RHPN2: variants seen among roughly 807,000 people sequenced by gnomAD.
RHPN2 encodes rhophilin-2.
RHPN2 carries 40 observed loss-of-function variants against 79.0 expected under a neutral mutation model. The observed-to-expected ratio is 0.51, with a 90% confidence interval of 0.39 to 0.66. The LOEUF (loss-of-function observed/expected upper bound fraction) is 0.66. Ranked by LOEUF, RHPN2 falls within the 30% of genes least tolerant of loss-of-function variation. RHPN2 has a pLI of 0.00. For synonymous variants in RHPN2, 285 were observed against 363.5 expected (o/e 0.78, Z 2.46); for missense variants, 686 against 883.5 (o/e 0.78, Z 2.83).
At chr19:33,018,947 C>T (rs1280067677) in intron 4 of RHPN2, among the ~76,000 whole-genome samples, 2 of 150,338 alleles carry the variant, frequency 1.3e-5, no homozygotes, top group East Asian at 3.9e-4. Flanking sequence ...AGGAGAATCA[C>T]TTGAACCTGG....
intron 14 of RHPN2, among the ~76,000 whole-genome samples, chr19:32,983,034 C>G (rs894290033): frequency 6.9e-6 from 1 of 145,622 alleles, no homozygotes; most frequent in Non-Finnish European, 1.5e-5. Context: ...CTCCTCCAGG[C>G]ACCCTTGCCT....
chr19:33,016,722 C>A (rs1415165100), intron 4 of RHPN2, among the ~76,000 whole-genome samples: 1 of 152,114 alleles, frequency 6.6e-6, no homozygotes, highest in South Asian at 2.1e-4. Context: ...CAAAATCACA[C>A]TGTGAAGCTT....
In RHPN2 at chr19:33,015,102, G is replaced by A. The variant is rs10451464; in HGVS notation, c.391-2378C>T. ...TGAATTTGAAACTTAGTAAACTAGGGTAGATTAACGTACTTAGTGGGATAA... is the reference window on the plus strand; with the variant it reads ...TGAATTTGAAACTTAGTAAACTAGGATAGATTAACGTACTTAGTGGGATAA... On this transcript the variant is annotated intron_variant, in intron 4 of 14. Transcript: ENST00000254260. 1.3e-3 allele frequency among the ~76,000 whole-genome samples: 199 copies of A among 151,744 alleles called. 2 individuals are homozygous for A. The highest frequency in any genetic ancestry group is 4.5e-3 in the African/African-American group (187 of 41,392).
intron 11 of RHPN2, among the ~76,000 whole-genome samples, chr19:32,995,214 A>G (rs999336022): frequency 6.6e-6 from 1 of 151,980 alleles, no homozygotes; most frequent in Non-Finnish European, 1.5e-5. Context: ...CTGGAACTAT[A>G]GGTATGCACC....
intron 2 of RHPN2, among the ~76,000 whole-genome samples, chr19:33,039,878 CA>C (rs1268878059): frequency 6.7e-6 from 1 of 148,278 alleles, no homozygotes; most frequent in Non-Finnish European, 1.5e-5. Context: ...AGATTAAAAA[CA>C]AAAAAAAATT....
At chr19:33,048,448 G>A (rs545561781) in intron 1 of RHPN2, among the ~76,000 whole-genome samples, 4 of 151,352 alleles carry the variant, frequency 2.6e-5, no homozygotes, top group South Asian at 2.1e-4. Flanking sequence ...ATCTTTGGCC[G>A]GGCATAGTAG....
intron 1 of RHPN2, among the ~76,000 whole-genome samples, chr19:33,045,733 C>A (rs988861154): frequency 6.6e-6 from 1 of 152,244 alleles, no homozygotes; most frequent in Non-Finnish European, 1.5e-5. Flanking sequence ...CTCAGCCCCC[C>A]AAAGTGCTGG....
At chr19:32,991,735 G>A in intron 13 of RHPN2, 88 bp downstream of exon 13, 1 of 1,505,318 alleles carries the variant, frequency 6.6e-7, no homozygotes, top group Non-Finnish European at 9.2e-7. Context: ...TTCACATCAA[G>A]TCAGGCCTTT....
At chr19:33,036,420 C>A (rs2145257202) in intron 2 of RHPN2, among the ~76,000 whole-genome samples, 1 of 152,272 alleles carries the variant, frequency 6.6e-6, no homozygotes, top group East Asian at 1.9e-4. Flanking sequence ...GCAGGAGGAT[C>A]ACTTGAGCCC....
intron 1 of RHPN2, among the ~76,000 whole-genome samples, chr19:33,046,680 T>A (rs1972145328): frequency 6.6e-6 from 1 of 152,218 alleles, no homozygotes; most frequent in Non-Finnish European, 1.5e-5. Flanking sequence ...TTCATCTACA[T>A]CTCACCAATA....
chr19:33,036,870 GCC>G (rs199550754), intron 2 of RHPN2, among the ~76,000 whole-genome samples: 1 of 141,334 alleles, frequency 7.1e-6, no homozygotes, highest in Non-Finnish European at 1.5e-5. Flanking sequence ...CCATGCCTGA[GCC>G]CCCCCGCCAC....
Position 33,020,609 on chromosome 19 carries a change from C to A in RHPN2, c.390+962G>T, listed in dbSNP as rs186035122. Among the ~76,000 whole-genome samples, 26 of 152,160 alleles carry A rather than the reference C, an allele frequency of 1.7e-4. No individual in the cohort carries two copies. The East Asian group carries it at 4.8e-3, about 28-fold the overall frequency. ...CCACCTTCCAGGTTCGAACGACTCA[C>A]CTGCCTCAGCCTCCCAAGTAACTGG... On this transcript the variant is annotated intron_variant, in intron 4 of 14. Coordinates refer to ENST00000254260, the MANE Select transcript of RHPN2 (RefSeq NM_033103.5).
chr19:33,021,550 G>A (rs1971923728), intron 4 of RHPN2, 21 bp downstream of exon 4: 1 of 1,598,690 alleles, frequency 6.3e-7, no homozygotes, highest in Non-Finnish European at 8.6e-7. Flanking sequence ...TGAGTCTGGT[G>A]CCCATGGCTT....
At chr19:33,062,406 G>A (rs1341066721) in intron 1 of RHPN2, among the ~76,000 whole-genome samples, 1 of 151,772 alleles carries the variant, frequency 6.6e-6, no homozygotes, top group East Asian at 1.9e-4. Context: ...AGGTTGCAGT[G>A]AGCCGAGATC....
At chr19:33,048,705 G>A (rs999560540) in intron 1 of RHPN2, among the ~76,000 whole-genome samples, 3 of 113,986 alleles carry the variant, frequency 2.6e-5, no homozygotes, top group East Asian at 2.8e-4. Context: ...CAGCCTGGGT[G>A]ACACAGCGAG....
chr19:33,012,571 A>C, intron 5 of RHPN2, 76 bp downstream of exon 5: 1 of 905,626 alleles, frequency 1.1e-6, no homozygotes, highest in Non-Finnish European at 1.9e-6. Context: ...TGTTAAGACC[A>C]CAAGCGTGCA....
At chr19:33,032,379 T>A (rs1972020430) in intron 2 of RHPN2, among the ~76,000 whole-genome samples, 1 of 152,162 alleles carries the variant, frequency 6.6e-6, no homozygotes, top group Admixed American at 6.6e-5. Flanking sequence ...CACTGGTGAC[T>A]GAGCTCGATC....
intron 14 of RHPN2, among the ~76,000 whole-genome samples, chr19:32,983,288 A>G (rs980394320): frequency 3.6e-4 from 54 of 152,080 alleles, no homozygotes; most frequent in Admixed American, 5.9e-4. Context: ...CAAGGCGGGC[A>G]GATCACAAGG....
intron 1 of RHPN2, among the ~76,000 whole-genome samples, chr19:33,052,763 T>G (rs1260514399): frequency 6.6e-6 from 1 of 152,138 alleles, no homozygotes; most frequent in African/African-American, 2.4e-5. Flanking sequence ...CCTCCTGCCC[T>G]TCCAGGATCT....
Sources: allele counts gnomAD v4.1 joint callset (sites outside exome capture counted in the v4.1 genomes callset), GRCh38; gene constraint gnomAD v4.1.1; transcripts MANE v1.5; gene names NCBI Gene and HGNC (gene_info 2026-07-23, HGNC 2026-07-21).